The following FMNL2 variants were observed in gnomAD, a reference collection of about 807,000 sequenced individuals.
FMNL2 encodes formin like 2, also known as formin-like protein 2.
A neutral mutation model predicts 130.2 loss-of-function variants in FMNL2; 51 were observed. The observed-to-expected ratio is 0.39, with a 90% CI of 0.31 to 0.49. FMNL2 has a LOEUF of 0.49. Among genes scored for constraint, FMNL2 ranks in the 20% least tolerant of loss-of-function variants. The pLI is 0.85. For missense variants in FMNL2, 977 were observed against 1,316.2 expected, an observed-to-expected ratio of 0.74 and a Z score of 3.99; for synonymous variants, 465 against 467.1, an observed-to-expected ratio of 1.00 and a Z score of 0.06.
chr2:152,463,054 A>G (rs1421872564), intron 1 of FMNL2, among the ~76,000 whole-genome samples: 1 of 152,206 alleles, frequency 6.6e-6, no homozygotes, highest in African/African-American at 2.4e-5. Flanking sequence ...TCCTGGTACA[A>G]CATATGATCT....
In FMNL2 at chr2:152,436,043, G is replaced by GT. The variant is rs34447078; in HGVS notation, c.118-85888dup. ...TTTATACCACTAAAAGACGTGCTTAGTTTTTTTTTTTTCTCCATTTCATTC... is the reference window on the plus strand; with the variant it reads ...TTTATACCACTAAAAGACGTGCTTAGTTTTTTTTTTTTTCTCCATTTCATTC... On this transcript the variant is annotated intron_variant, in intron 1 of 25. Transcript: ENST00000288670. 1.1e-3 allele frequency among the ~76,000 whole-genome samples: 160 copies of GT among 148,734 alleles called. 1 individual carries two copies. The South Asian group carries it at 0.016, about 15-fold the overall frequency.
At chr2:152,423,775 G>A (rs1306409959) in intron 1 of FMNL2, among the ~76,000 whole-genome samples, 4 of 152,106 alleles carry the variant, frequency 2.6e-5, no homozygotes, top group African/African-American at 9.7e-5. Context: ...CCTTACCTGA[G>A]GGAGTTGGGG....
chr2:152,479,387 C>T (rs1159588166), intron 1 of FMNL2, among the ~76,000 whole-genome samples: 1 of 152,172 alleles, frequency 6.6e-6, no homozygotes, highest in East Asian at 1.9e-4. Context: ...TCAAGTCATC[C>T]TCCTGCGTTG....
intron 1 of FMNL2, among the ~76,000 whole-genome samples, chr2:152,434,072 T>C (rs1048033217): frequency 1.3e-5 from 2 of 152,228 alleles, no homozygotes; most frequent in Non-Finnish European, 2.9e-5. Flanking sequence ...AGGGCAAAAC[T>C]GAGTAGTAGA....
chr2:152,519,011 C>T (rs1692927275), intron 1 of FMNL2, among the ~76,000 whole-genome samples: 1 of 152,054 alleles, frequency 6.6e-6, no homozygotes. Context: ...TTTCTCATTC[C>T]TTCTCTTTTA....
intron 18 of FMNL2, among the ~76,000 whole-genome samples, chr2:152,628,951 C>G (rs1051526323): frequency 7.2e-5 from 11 of 152,152 alleles, no homozygotes; most frequent in African/African-American, 2.7e-4. Context: ...CAAGCTTTTG[C>G]TGAAAGCTTT....
At chr2:152,558,133 A>G (rs957529923) in intron 4 of FMNL2, among the ~76,000 whole-genome samples, 4 of 152,232 alleles carry the variant, frequency 2.6e-5, no homozygotes, top group Admixed American at 6.5e-5. Flanking sequence ...GATATTTGTC[A>G]TGTGCCGGCC....
chr2:152,343,302 T>C (rs887106922), intron 1 of FMNL2, among the ~76,000 whole-genome samples: 6 of 94,590 alleles, frequency 6.3e-5, no homozygotes, highest in African/African-American at 2.3e-4. Flanking sequence ...ATAGTTCATA[T>C]TTTTTTGTTT....
intron 1 of FMNL2, among the ~76,000 whole-genome samples, chr2:152,454,912 C>T (rs1261348080): frequency 6.6e-6 from 1 of 152,176 alleles, no homozygotes; most frequent in African/African-American, 2.4e-5. Flanking sequence ...GCTCCAGATA[C>T]TGAGGGGAAG....
chr2:152,611,519 A>G lies in FMNL2; in HGVS notation c.976A>G (p.Ile326Val). The change falls in exon 11 of 26, where the codon ATT (isoleucine) becomes GTT (valine). Residue 326 changes from isoleucine to valine, a missense_variant. Ile to Val is a conservative substitution (Grantham distance 29). Coordinates refer to ENST00000288670, the MANE Select transcript of FMNL2 (RefSeq NM_052905.4). ...FMVASMQFIN[I>V]VVHSVEDMNF... ...GGTGGCTTCTATGCAGTTTATTAAT[A>G]TTGTAGTCCATTCAGTAGAAGATAT... 6.3e-7 allele frequency: 1 copy of G among 1,594,406 alleles called. No individual in the cohort carries two copies. Among genetic ancestry groups the G allele is most frequent in the Non-Finnish European group, 8.6e-7 (1 of 1,168,988 alleles).
intron 9 of FMNL2, among the ~76,000 whole-genome samples, chr2:152,581,319 T>A (rs1425794248): frequency 6.6e-6 from 1 of 152,234 alleles, no homozygotes; most frequent in Non-Finnish European, 1.5e-5. Context: ...TAATCCAGTT[T>A]GAAAACCGGT....
At chr2:152,406,541 C>T (rs1437225313) in intron 1 of FMNL2, among the ~76,000 whole-genome samples, 1 of 152,148 alleles carries the variant, frequency 6.6e-6, no homozygotes, top group Non-Finnish European at 1.5e-5. Flanking sequence ...GTCTCAATTC[C>T]TTCTACAGCC....
chr2:152,554,870 C>T (rs1412200911), intron 4 of FMNL2, among the ~76,000 whole-genome samples: 1 of 152,152 alleles, frequency 6.6e-6, no homozygotes, highest in African/African-American at 2.4e-5. Flanking sequence ...AACAATTTCA[C>T]AGGTGCTTTT....
intron 1 of FMNL2, among the ~76,000 whole-genome samples, chr2:152,485,155 G>A (rs1309446559): frequency 6.6e-6 from 1 of 152,138 alleles, no homozygotes; most frequent in African/African-American, 2.4e-5. Context: ...AGATCATTCT[G>A]GGCAACACAG....
intron 2 of FMNL2, among the ~76,000 whole-genome samples, chr2:152,537,907 C>G (rs1018381433): frequency 9.9e-5 from 15 of 152,086 alleles, no homozygotes; most frequent in African/African-American, 2.7e-4. Flanking sequence ...CACACACACA[C>G]AGTATATGAT....
intron 17 of FMNL2, among the ~76,000 whole-genome samples, chr2:152,627,323 G>A (rs545000210): frequency 4.6e-5 from 7 of 152,242 alleles, no homozygotes; most frequent in African/African-American, 1.7e-4. Context: ...TGCATAGAAG[G>A]CATTGGTTTT....
chr2:152,400,757 T>G (rs61292193), intron 1 of FMNL2, among the ~76,000 whole-genome samples: 20,766 of 152,220 alleles, frequency 0.14, 1,688 homozygotes, highest in African/African-American at 0.2. Context: ...CCCTGCCCAC[T>G]ATAGGCCACT....
chr2:152,405,504 GT>G (rs1685936049), intron 1 of FMNL2, among the ~76,000 whole-genome samples: 1 of 152,134 alleles, frequency 6.6e-6, no homozygotes, highest in Non-Finnish European at 1.5e-5. Flanking sequence ...CTTCAACACA[GT>G]TTTCCTTAAA....
intron 2 of FMNL2, among the ~76,000 whole-genome samples, chr2:152,530,995 C>T (rs748514041): frequency 5.3e-5 from 8 of 152,112 alleles, no homozygotes; most frequent in Admixed American, 2.0e-4. Context: ...GTATATCCTC[C>T]GTCAACATGG....
Sources: gnomAD v4.1 joint callset for allele counts (sites outside exome capture counted in the v4.1 genomes callset) on GRCh38, gnomAD v4.1.1 for gene constraint, MANE v1.5 for transcripts, NCBI Gene and HGNC (gene_info 2026-07-23, HGNC 2026-07-21) for gene names.